The following HSF2BP variants were observed in gnomAD, a reference collection of about 807,000 sequenced individuals.
The protein encoded by HSF2BP is heat shock transcription factor 2 binding protein.
Under a neutral mutation model 35.0 loss-of-function variants are expected in HSF2BP, and 35 were observed. The observed-to-expected ratio is 1.00, with a 90% CI of 0.76 to 1.32. The LOEUF is 1.32. Ranked by LOEUF, HSF2BP falls within the 40% of genes most tolerant of loss-of-function variation. The probability of loss-of-function intolerance (pLI) is 0.00; values close to 1 mark genes in which losing one functional copy is unlikely to be tolerated. For missense variants in HSF2BP, 326 were observed against 321.7 expected (o/e 1.01, Z -0.10); for synonymous variants, 114 against 117.4 (o/e 0.97, Z 0.18).
intron 7 of HSF2BP, among the ~76,000 whole-genome samples, chr21:43,606,000 T>G (rs2146877906): frequency 6.6e-6 from 1 of 151,860 alleles, no homozygotes; most frequent in East Asian, 1.9e-4. Flanking sequence ...AGGGCCAAGC[T>G]GAGGCGGCCA....
chr21:43,573,559 T>A (rs2081602869), intron 8 of HSF2BP, among the ~76,000 whole-genome samples: 1 of 152,088 alleles, frequency 6.6e-6, no homozygotes, highest in Non-Finnish European at 1.5e-5. Context: ...CCAAAACACC[T>A]TCGTTCATGT....
At chr21:43,624,033 A>T (rs2082361233) in intron 6 of HSF2BP, among the ~76,000 whole-genome samples, 1 of 152,212 alleles carries the variant, frequency 6.6e-6, no homozygotes, top group African/African-American at 2.4e-5. Flanking sequence ...GGGGAAAGGG[A>T]GCCACCAGCA....
In HSF2BP at chr21:43,591,540, AC is replaced by A. The variant is rs2081925832; in HGVS notation, c.796+684del. On this transcript the variant is annotated intron_variant, in intron 8 of 8. Coordinates refer to ENST00000291560, the MANE Select transcript of HSF2BP (RefSeq NM_007031.2). Reference sequence around the variant, plus strand: ...AACAGAACTAGAGTAAACTTAACATACCAAGAAATTTTCTAAAATTTGACTT... The same window carrying A: ...AACAGAACTAGAGTAAACTTAACATACAAGAAATTTTCTAAAATTTGACTT... Among the ~76,000 whole-genome samples the A allele has an allele frequency of 3.9e-5, 6 of 152,230 alleles. No homozygotes were observed. The South Asian group carries it at 1.2e-3, about 32-fold the overall frequency.
intron 8 of HSF2BP, among the ~76,000 whole-genome samples, chr21:43,573,753 G>A (rs1306108835): frequency 3.3e-5 from 5 of 152,094 alleles, no homozygotes; most frequent in South Asian, 4.2e-4. Context: ...AGGGTGTGGA[G>A]GACAGCACAG....
intron 3 of HSF2BP, among the ~76,000 whole-genome samples, chr21:43,650,968 A>G (rs1387686757): frequency 6.6e-6 from 1 of 152,046 alleles, no homozygotes; most frequent in Admixed American, 6.5e-5. Context: ...TTGGCTTCCC[A>G]AAGTGTTGGG....
chr21:43,621,702 A>G (rs964417565), intron 6 of HSF2BP, among the ~76,000 whole-genome samples: 2 of 152,182 alleles, frequency 1.3e-5, no homozygotes, highest in Non-Finnish European at 2.9e-5. Context: ...AGAATTTAAC[A>G]CCAACCAGAC....
intron 6 of HSF2BP, among the ~76,000 whole-genome samples, chr21:43,622,367 TAAAAG>T (rs2082340327): frequency 6.6e-6 from 1 of 152,126 alleles, no homozygotes; most frequent in Non-Finnish European, 1.5e-5. Context: ...ATTTTCTAAT[TAAAAG>T]AAATATGGAG....
intron 8 of HSF2BP, among the ~76,000 whole-genome samples, chr21:43,589,955 C>T (rs2081905490): frequency 6.6e-6 from 1 of 152,152 alleles, no homozygotes; most frequent in African/African-American, 2.4e-5. Context: ...CATTAGAAAA[C>T]CTTTGTGACA....
At chr21:43,583,541 G>A (rs1376109874) in intron 8 of HSF2BP, among the ~76,000 whole-genome samples, 3 of 135,732 alleles carry the variant, frequency 2.2e-5, no homozygotes, top group South Asian at 5.4e-4. Context: ...GCCTGCTGAG[G>A]GAGATGAGGA....
intron 7 of HSF2BP, among the ~76,000 whole-genome samples, chr21:43,605,797 A>C (rs2146876849): frequency 6.6e-6 from 1 of 151,272 alleles, no homozygotes; most frequent in South Asian, 2.1e-4. Context: ...CACACCATAA[A>C]CATGCCCCAC....
intron 6 of HSF2BP, among the ~76,000 whole-genome samples, chr21:43,619,915 C>T (rs894952029): frequency 6.6e-6 from 1 of 152,220 alleles, no homozygotes; most frequent in Non-Finnish European, 1.5e-5. Context: ...GGCACAGACG[C>T]CTTGCCAGTA....
At chr21:43,615,649 T>C (rs891129289) in intron 6 of HSF2BP, among the ~76,000 whole-genome samples, 5 of 152,188 alleles carry the variant, frequency 3.3e-5, no homozygotes, top group South Asian at 2.1e-4. Flanking sequence ...CATAACTTTA[T>C]TGACAGAACC....
intron 6 of HSF2BP, among the ~76,000 whole-genome samples, chr21:43,617,121 C>A (rs529581891): frequency 6.6e-6 from 1 of 151,986 alleles, no homozygotes; most frequent in Non-Finnish European, 1.5e-5. Context: ...CCCTGCCAAG[C>A]CTGACCAAAC....
chr21:43,600,583 G>A (rs924963604), intron 7 of HSF2BP, among the ~76,000 whole-genome samples: 5 of 152,174 alleles, frequency 3.3e-5, no homozygotes, highest in African/African-American at 1.2e-4. Context: ...AGTAAGTAAT[G>A]ACTTAACAGA....
intron 7 of HSF2BP, among the ~76,000 whole-genome samples, chr21:43,596,902 A>ACAG (rs1555859826): frequency 5.7e-5 from 3 of 52,610 alleles, no homozygotes; most frequent in Non-Finnish European, 1.2e-4. Context: ...AAAAAAAAAA[A>ACAG]AAAGAGAATT....
chr21:43,587,217 G>A (rs1379680756), intron 8 of HSF2BP, among the ~76,000 whole-genome samples: 1 of 152,152 alleles, frequency 6.6e-6, no homozygotes, highest in African/African-American at 2.4e-5. Context: ...TAACTCAGGA[G>A]TCAAACATCC....
At chr21:43,633,575 A>G (rs142146064) in intron 4 of HSF2BP, among the ~76,000 whole-genome samples, 154 bp from the exon 5 acceptor site, 125 of 152,350 alleles carry the variant, frequency 8.2e-4, no homozygotes, top group African/African-American at 2.9e-3. Flanking sequence ...GAGAACCATA[A>G]TCTGTATCTA....
intron 6 of HSF2BP, among the ~76,000 whole-genome samples, chr21:43,620,274 T>C (rs1358251214): frequency 6.6e-6 from 1 of 152,208 alleles, no homozygotes; most frequent in African/African-American, 2.4e-5. Context: ...TCTAACAAGA[T>C]GGCAATATAT....
chr21:43,616,422 T>A (rs1183719174), intron 6 of HSF2BP, among the ~76,000 whole-genome samples: 7 of 151,996 alleles, frequency 4.6e-5, no homozygotes, highest in Admixed American at 6.6e-5. Context: ...GGTGGGTGAA[T>A]CACCTGAGGT....
Sources: gnomAD v4.1 joint callset for allele counts (sites outside exome capture counted in the v4.1 genomes callset) on GRCh38, gnomAD v4.1.1 for gene constraint, MANE v1.5 for transcripts, NCBI Gene and HGNC (gene_info 2026-07-23, HGNC 2026-07-21) for gene names.